Variants in GABRB1 observed in about 807,000 individuals in gnomAD.
GABRB1 encodes gamma-aminobutyric acid type A receptor subunit beta1.
Under a neutral mutation model 51.6 loss-of-function variants are expected in GABRB1, and 17 were observed. The observed-to-expected ratio is 0.33, with a 90% CI of 0.23 to 0.49. The LOEUF (loss-of-function observed/expected upper bound fraction) is 0.49, where lower values mean the gene tolerates loss of function less well. Among genes scored for constraint, GABRB1 ranks in the 20% least tolerant of loss-of-function variants. The probability of loss-of-function intolerance (pLI) is 0.99; values close to 1 mark genes in which losing one functional copy is unlikely to be tolerated. For synonymous variants in GABRB1, 247 were observed against 218.9 expected, an observed-to-expected ratio of 1.13 and a Z score of -1.14; for missense variants, 410 against 600.6, an observed-to-expected ratio of 0.68 and a Z score of 3.32.
chr4:47,175,457 T>A (rs1718654279), intron 4 of GABRB1, among the ~76,000 whole-genome samples: 1 of 152,184 alleles, frequency 6.6e-6, no homozygotes, highest in Non-Finnish European at 1.5e-5. Flanking sequence ...GTTATTTACT[T>A]ATTTTTAAAT....
At chr4:47,058,565 G>A (rs1028937003) in intron 3 of GABRB1, among the ~76,000 whole-genome samples, 8 of 152,134 alleles carry the variant, frequency 5.3e-5, no homozygotes, top group Non-Finnish European at 1.2e-4. Flanking sequence ...CATGGCAGGT[G>A]GGATATTAGA....
intron 7 of GABRB1, among the ~76,000 whole-genome samples, chr4:47,404,125 G>A (rs1468181822): frequency 6.6e-6 from 1 of 152,132 alleles, no homozygotes; most frequent in East Asian, 1.9e-4. Flanking sequence ...GCTGTCAATT[G>A]CTGAGAAATA....
intron 4 of GABRB1, among the ~76,000 whole-genome samples, chr4:47,270,965 G>A (rs1240411340): frequency 6.6e-6 from 1 of 152,142 alleles, no homozygotes; most frequent in Non-Finnish European, 1.5e-5. Context: ...AAATGTACTA[G>A]TTTTACCAAA....
chr4:47,017,136 G>C (rs1378171394), intron 1 of GABRB1, among the ~76,000 whole-genome samples: 3 of 152,158 alleles, frequency 2.0e-5, no homozygotes, highest in Non-Finnish European at 4.4e-5. Flanking sequence ...AGTAATTCCA[G>C]ATCTGCAATT....
At chr4:47,322,981 A>G (rs1445245240) in intron 5 of GABRB1, among the ~76,000 whole-genome samples, 1 of 151,930 alleles carries the variant, frequency 6.6e-6, no homozygotes, top group African/African-American at 2.4e-5. Context: ...AACAACAACA[A>G]CAACAACAAC....
At chr4:47,248,171 T>C (rs1721837447) in intron 4 of GABRB1, among the ~76,000 whole-genome samples, 1 of 152,128 alleles carries the variant, frequency 6.6e-6, no homozygotes, top group Non-Finnish European at 1.5e-5. Flanking sequence ...ATGGCTTTTA[T>C]TGTATTGAGA....
At chr4:47,152,379 T>G (rs962037567) in intron 3 of GABRB1, among the ~76,000 whole-genome samples, 2 of 151,998 alleles carry the variant, frequency 1.3e-5, no homozygotes, top group Admixed American at 1.3e-4. Context: ...TTTCAGGAAC[T>G]CAGAATCTAG....
chr4:47,052,370 C>T (rs1726388773), intron 3 of GABRB1, among the ~76,000 whole-genome samples: 1 of 152,212 alleles, frequency 6.6e-6, no homozygotes, highest in South Asian at 2.1e-4. Flanking sequence ...GGATCTCCTT[C>T]TGAGGCTGCA....
At chr4:47,293,692 A>G (rs1341129315) in intron 4 of GABRB1, among the ~76,000 whole-genome samples, 1 of 152,214 alleles carries the variant, frequency 6.6e-6, no homozygotes, top group East Asian at 1.9e-4. Flanking sequence ...TCAAAATTTT[A>G]AGAACTATGG....
In GABRB1 at chr4:47,403,427, G is replaced by T; in HGVS notation, c.654G>T (p.Met218Ile). The change falls in exon 6 of 9, where the codon ATG (methionine) becomes ATT (isoleucine). Residue 218 changes from methionine to isoleucine, a missense_variant. Physicochemically the swap from Met to Ile is conservative, Grantham distance 10. Around this residue, in one of 5 missense-constraint regions of GABRB1, gnomAD observed 36 missense variants for 39.7 expected, o/e 0.91. Coordinates refer to ENST00000295454, the MANE Select transcript of GABRB1 (RefSeq NM_000812.4). ...AATTTTCAATTGTTGACTACAAGAT[G>T]GTGTCTAAGAAGGTGGAGTTCACAA... ...LPQFSIVDYKMVSKKVEFTTG... is the reference protein window; with the variant it reads ...LPQFSIVDYKIVSKKVEFTTG... 6.2e-7 allele frequency: 1 copy of T among 1,614,036 alleles called. No homozygotes were observed. Among genetic ancestry groups the T allele is most frequent in the Non-Finnish European group, 8.5e-7 (1 of 1,179,944 alleles).
intron 4 of GABRB1, among the ~76,000 whole-genome samples, chr4:47,237,001 G>A (rs951915960): frequency 6.6e-6 from 1 of 151,910 alleles, no homozygotes; most frequent in Non-Finnish European, 1.5e-5. Flanking sequence ...TTGGCAAATT[G>A]GGTAATAGCA....
At chr4:47,248,643 T>A (rs951618850) in intron 4 of GABRB1, among the ~76,000 whole-genome samples, 1 of 152,106 alleles carries the variant, frequency 6.6e-6, no homozygotes, top group African/African-American at 2.4e-5. Flanking sequence ...CCTAGACTTT[T>A]TTTTTGTTGG....
chr4:47,210,552 G>A (rs1169528739), intron 4 of GABRB1, among the ~76,000 whole-genome samples: 1 of 151,974 alleles, frequency 6.6e-6, no homozygotes, highest in African/African-American at 2.4e-5. Flanking sequence ...ATCTTGAATA[G>A]GGATACTAAG....
intron 2 of GABRB1, 140 bp from the exon 3 acceptor site, chr4:47,032,277 G>A (rs1725351008): frequency 2.4e-6 from 2 of 832,338 alleles, no homozygotes; most frequent in Non-Finnish European, 3.8e-6. Context: ...GTTTTCCCAG[G>A]CAGTCCCCTG....
intron 3 of GABRB1, among the ~76,000 whole-genome samples, chr4:47,078,534 G>A (rs1006219598): frequency 2.0e-5 from 3 of 152,144 alleles, no homozygotes; most frequent in African/African-American, 7.2e-5. Context: ...GCACAGCACA[G>A]CATATAAAAT....
chr4:47,126,806 G>C (rs771622532), intron 3 of GABRB1, among the ~76,000 whole-genome samples: 5 of 152,048 alleles, frequency 3.3e-5, no homozygotes, highest in African/African-American at 9.6e-5. Context: ...TGACTATGCA[G>C]ATATTGAATC....
intron 1 of GABRB1, among the ~76,000 whole-genome samples, chr4:47,016,809 C>G (rs915974496): frequency 6.6e-6 from 1 of 151,980 alleles, no homozygotes; most frequent in Non-Finnish European, 1.5e-5. Context: ...AGGCTGGTCT[C>G]CAACTCCTGA....
intron 4 of GABRB1, among the ~76,000 whole-genome samples, chr4:47,206,659 G>C: frequency 6.6e-6 from 1 of 151,712 alleles, no homozygotes; most frequent in East Asian, 1.9e-4. Context: ...GTAACTCAAA[G>C]GATGGAGATA....
At chr4:47,264,677 G>C (rs1344857225) in intron 4 of GABRB1, among the ~76,000 whole-genome samples, 1 of 152,144 alleles carries the variant, frequency 6.6e-6, no homozygotes, top group Non-Finnish European at 1.5e-5. Flanking sequence ...TTTAATAAGT[G>C]ATACATTTAA....
Sources: allele counts gnomAD v4.1 joint callset (sites outside exome capture counted in the v4.1 genomes callset), GRCh38; gene constraint gnomAD v4.1.1; regional missense constraint gnomAD v4.1.1; transcripts MANE v1.5; gene names NCBI Gene and HGNC (gene_info 2026-07-23, HGNC 2026-07-21).